Variants in PDE4D observed in about 807,000 individuals in gnomAD.
The protein encoded by PDE4D is 3',5'-cyclic-AMP phosphodiesterase 4D.
PDE4D carries 24 observed loss-of-function variants against 87.4 expected under a neutral mutation model. The ratio of observed to expected loss-of-function variants is 0.27; its 90% CI spans 0.20 to 0.39. The LOEUF is 0.39. Ranked by LOEUF, PDE4D falls within the 10% of genes least tolerant of loss-of-function variation. The pLI, the probability that PDE4D is intolerant of heterozygous loss-of-function variation, is 1.00. For missense variants in PDE4D, 714 were observed against 1,041.0 expected (o/e 0.69, Z 4.32); for synonymous variants, 384 against 383.2 (o/e 1.00, Z -0.02).
chr5:59,268,363 C>G (rs1296191262), intron 1 of PDE4D, among the ~76,000 whole-genome samples: 1 of 152,038 alleles, frequency 6.6e-6, no homozygotes, highest in African/African-American at 2.4e-5. Flanking sequence ...TCAAACTTGA[C>G]AAAGAACTAG....
intron 1 of PDE4D, among the ~76,000 whole-genome samples, chr5:59,715,931 A>G (rs1754953949): frequency 6.6e-6 from 1 of 152,118 alleles, no homozygotes; most frequent in Non-Finnish European, 1.5e-5. Context: ...TTCTCCATTT[A>G]AAAGACTCCT....
intron 1 of PDE4D, among the ~76,000 whole-genome samples, chr5:60,290,189 G>C (rs1752769056): frequency 6.6e-6 from 1 of 152,154 alleles, no homozygotes; most frequent in Non-Finnish European, 1.5e-5. Context: ...GTGGGGATGG[G>C]TTGAGAAGAG....
At chr5:59,261,934 G>A (rs1762077121) in intron 1 of PDE4D, among the ~76,000 whole-genome samples, 1 of 151,882 alleles carries the variant, frequency 6.6e-6, no homozygotes, top group South Asian at 2.1e-4. Context: ...AAGTATTTTG[G>A]TCTAAAAAAT....
chr5:59,838,543 T>G (rs1469652494), intron 1 of PDE4D, among the ~76,000 whole-genome samples: 2 of 152,090 alleles, frequency 1.3e-5, no homozygotes, highest in Non-Finnish European at 2.9e-5. Context: ...TAGTTTTGAT[T>G]CCTCTCTCTA....
intron 3 of PDE4D, among the ~76,000 whole-genome samples, chr5:59,983,791 T>C (rs1487320256): frequency 1.3e-5 from 2 of 152,098 alleles, no homozygotes; most frequent in East Asian, 3.9e-4. Context: ...TAGAAAACTG[T>C]TGGGCAGTAA....
chr5:59,351,889 T>A (rs1391540017), intron 1 of PDE4D, among the ~76,000 whole-genome samples: 4 of 152,168 alleles, frequency 2.6e-5, no homozygotes, highest in African/African-American at 9.6e-5. Context: ...ATAGTACATC[T>A]GTTAGAACAA....
intron 1 of PDE4D, among the ~76,000 whole-genome samples, chr5:59,505,451 T>C (rs1334737600): frequency 2.0e-5 from 3 of 152,148 alleles, no homozygotes; most frequent in Non-Finnish European, 4.4e-5. Context: ...AGATGAATGT[T>C]AAGGAAATTC....
intron 1 of PDE4D, among the ~76,000 whole-genome samples, chr5:60,385,343 C>T (rs1355172520): frequency 2.6e-5 from 4 of 152,238 alleles, no homozygotes; most frequent in African/African-American, 9.6e-5. Context: ...TATACAAAAC[C>T]TGCTGCAGAC....
intron 1 of PDE4D, among the ~76,000 whole-genome samples, chr5:59,670,410 T>C (rs1022910515): frequency 8.5e-5 from 13 of 152,190 alleles, no homozygotes; most frequent in African/African-American, 3.1e-4. Context: ...GGTGGAAAAT[T>C]CCACACCTGA....
chr5:59,676,562 T>C (rs563141614), intron 1 of PDE4D, among the ~76,000 whole-genome samples: 9 of 152,320 alleles, frequency 5.9e-5, no homozygotes, highest in Non-Finnish European at 1.5e-5. Flanking sequence ...TTACAGAGCA[T>C]AAAGAACCAT....
At chr5:60,037,496 G>T (rs1201483321) in intron 2 of PDE4D, among the ~76,000 whole-genome samples, 1 of 152,090 alleles carries the variant, frequency 6.6e-6, no homozygotes, top group African/African-American at 2.4e-5. Context: ...GGGCCCATTT[G>T]TTTACTTATT....
chr5:60,365,653 T>TA (rs201893631), intron 1 of PDE4D, among the ~76,000 whole-genome samples: 2,337 of 152,324 alleles, frequency 0.015, 63 homozygotes, highest in African/African-American at 0.053. Context: ...GGCACTCTTG[T>TA]ACCAAGGGCG....
intron 1 of PDE4D, among the ~76,000 whole-genome samples, chr5:59,551,730 T>C (rs1818157086): frequency 1.3e-5 from 2 of 152,224 alleles, no homozygotes; most frequent in Admixed American, 6.5e-5. Context: ...ATTTTTGAAA[T>C]ACTTTATTAA....
At chr5:59,795,561 CTA>C (rs1018902830) in intron 1 of PDE4D, among the ~76,000 whole-genome samples, 1 of 152,106 alleles carries the variant, frequency 6.6e-6, no homozygotes, top group Non-Finnish European at 1.5e-5. Context: ...TATGTTACTT[CTA>C]TATATATACT....
chr5:59,482,683 CAG>C (rs1307078992), intron 1 of PDE4D, among the ~76,000 whole-genome samples: 2 of 152,060 alleles, frequency 1.3e-5, no homozygotes, highest in Non-Finnish European at 2.9e-5. Context: ...ATTATCATAA[CAG>C]GGCAAAATTT....
chr5:59,567,445 G>T (rs1049716885), intron 1 of PDE4D, among the ~76,000 whole-genome samples: 1 of 152,198 alleles, frequency 6.6e-6, no homozygotes, highest in African/African-American at 2.4e-5. Context: ...AGAGTATGCT[G>T]ATTAGAAATA....
intron 7 of PDE4D, among the ~76,000 whole-genome samples, chr5:58,993,041 T>C (rs1159456294): frequency 1.3e-5 from 2 of 152,162 alleles, no homozygotes; most frequent in African/African-American, 2.4e-5. Flanking sequence ...TGCCCAACAA[T>C]GGCTGGCATT....
chr5:59,817,835 G>A (rs1181293308), intron 1 of PDE4D, among the ~76,000 whole-genome samples: 1 of 151,420 alleles, frequency 6.6e-6, no homozygotes, highest in African/African-American at 2.4e-5. Flanking sequence ...AACCAGCACT[G>A]AACCAAGCTG....
chr5:60,492,136 A>AG, upstream of PDE4D, among the ~76,000 whole-genome samples: 1 of 152,200 alleles, frequency 6.6e-6, no homozygotes, highest in African/African-American at 2.4e-5. Context: ...AAAAAAAAAA[A>AG]AAAAGAAAAT....
Sources: gnomAD v4.1 joint callset for allele counts (sites outside exome capture counted in the v4.1 genomes callset) on GRCh38, gnomAD v4.1.1 for gene constraint, MANE v1.5 for transcripts, NCBI Gene and HGNC (gene_info 2026-07-23, HGNC 2026-07-21) for gene names.